C1QTNF3: variants seen among roughly 807,000 people sequenced by gnomAD.
C1QTNF3 encodes C1q and TNF related 3.
C1QTNF3 carries 26 observed loss-of-function variants against 32.6 expected under a neutral mutation model. The ratio of observed to expected loss-of-function variants is 0.80; its 90% CI spans 0.58 to 1.11. C1QTNF3 has a LOEUF of 1.11. Among genes scored for constraint, C1QTNF3 ranks in the 50% least tolerant of loss-of-function variants. The pLI, the probability that C1QTNF3 is intolerant of heterozygous loss-of-function variation, is 0.00. For synonymous variants in C1QTNF3, 155 were observed against 146.0 expected, an observed-to-expected ratio of 1.06 and a Z score of -0.44; for missense variants, 362 against 398.2, an observed-to-expected ratio of 0.91 and a Z score of 0.77.
At chr5:34,140,482 T>C in the C1QTNF3 span, among the ~76,000 whole-genome samples, 1 of 152,220 alleles carries the variant, frequency 6.6e-6, no homozygotes, top group Non-Finnish European at 1.5e-5. Context: ...ACATTAAGAA[T>C]AAAACTTGTT....
At chr5:34,102,955 A>T in the C1QTNF3 span, among the ~76,000 whole-genome samples, 1 of 107,250 alleles carries the variant, frequency 9.3e-6, no homozygotes. Context: ...ACGTGTGCAC[A>T]TGTACCCTAG....
chr5:34,043,132 C>T lies in C1QTNF3; in HGVS notation c.-7G>A. 1.9e-6 allele frequency: 3 copies of T among 1,608,202 alleles called. No homozygotes were observed. The highest frequency in any genetic ancestry group is 1.3e-5 in the African/African-American group (1 of 74,914). ...TGAGCTGCCTCCAAAGCATGATTCT[C>T]AACAGAGCCTCAGAGTCTCCCTGAG... On this transcript the variant is annotated 5_prime_UTR_variant, in exon 1 of 6. Transcript: ENST00000382065.
chr5:34,117,689 A>G, the C1QTNF3 span, among the ~76,000 whole-genome samples: 1 of 151,982 alleles, frequency 6.6e-6, no homozygotes, highest in Non-Finnish European at 1.5e-5. Flanking sequence ...CGAGCTACTC[A>G]GGAGGCTAAG....
the C1QTNF3 span, among the ~76,000 whole-genome samples, chr5:34,222,984 G>A: frequency 6.6e-6 from 1 of 151,764 alleles, no homozygotes; most frequent in Non-Finnish European, 1.5e-5. Flanking sequence ...ATGGTGTAGT[G>A]CTATAATTAA....
chr5:34,046,095 G>T (rs1349165929), upstream of C1QTNF3, among the ~76,000 whole-genome samples: 3 of 152,188 alleles, frequency 2.0e-5, no homozygotes, highest in Non-Finnish European at 4.4e-5. Context: ...CTATATTAAA[G>T]AAAAACACAA....
the C1QTNF3 span, among the ~76,000 whole-genome samples, chr5:34,141,139 A>T: frequency 1.1e-4 from 16 of 150,402 alleles, no homozygotes; most frequent in Middle Eastern, 3.4e-3. Flanking sequence ...TTTTTTTTTT[A>T]AATTGAGTCC....
chr5:34,028,399 G>A (rs1754530963), intron 4 of C1QTNF3, among the ~76,000 whole-genome samples: 2 of 152,264 alleles, frequency 1.3e-5, no homozygotes, highest in Admixed American at 6.5e-5. Context: ...TGAGAATTAT[G>A]TTTTAAGGAC....
the C1QTNF3 span, among the ~76,000 whole-genome samples, chr5:34,160,232 T>G: frequency 6.6e-6 from 1 of 152,134 alleles, no homozygotes; most frequent in Non-Finnish European, 1.5e-5. Flanking sequence ...AGTTAGTAGG[T>G]AGGCGAAGGA....
rs1297272968 is a variant in C1QTNF3, at chr5:34,043,150, T to C, written c.-25A>G. On this transcript the variant is annotated 5_prime_UTR_variant, in exon 1 of 6. Transcript: ENST00000382065. ...TGATTCTCAACAGAGCCTCAGAGTC[T>C]CCCTGAGAAGACAGCAGAGCTCCAG... 1 of 1,596,444 alleles carries C rather than the reference T, an allele frequency of 6.3e-7. No individual in the cohort carries two copies. Among genetic ancestry groups the C allele is most frequent in the Admixed American group, 1.7e-5 (1 of 59,038 alleles).
At chr5:34,132,402 C>CAA in the C1QTNF3 span, among the ~76,000 whole-genome samples, 7 of 75,938 alleles carry the variant, frequency 9.2e-5, no homozygotes, top group South Asian at 4.5e-4. Context: ...ACAACAACAA[C>CAA]AAAAATATAT....
At chr5:34,084,231 A>AGGTGGCG in the C1QTNF3 span, among the ~76,000 whole-genome samples, 1 of 151,822 alleles carries the variant, frequency 6.6e-6, no homozygotes, top group Non-Finnish European at 1.5e-5. Flanking sequence ...TTATTTGTGA[A>AGGTGGCG]GGTGGCTATT....
chr5:34,104,328 T>A, the C1QTNF3 span, among the ~76,000 whole-genome samples: 2 of 6,910 alleles, frequency 2.9e-4, no homozygotes, highest in African/African-American at 6.7e-4. Context: ...CTAAGAGTAC[T>A]GTATCAATTT....
At chr5:34,044,323 C>T (rs1322165819), upstream of C1QTNF3, among the ~76,000 whole-genome samples, 2 of 152,136 alleles carry the variant, frequency 1.3e-5, no homozygotes, top group African/African-American at 2.4e-5. Flanking sequence ...CTCATTCACT[C>T]GCTTAAGAAA....
chr5:34,204,056 AG>A, the C1QTNF3 span, among the ~76,000 whole-genome samples: 1 of 152,232 alleles, frequency 6.6e-6, no homozygotes, highest in Non-Finnish European at 1.5e-5. Context: ...AGGAATAGAC[AG>A]CAATACGGTA....
chr5:34,064,470 C>T, the C1QTNF3 span, among the ~76,000 whole-genome samples: 1 of 152,118 alleles, frequency 6.6e-6, no homozygotes, highest in Non-Finnish European at 1.5e-5. Context: ...CTATTAGAAG[C>T]CATAGGTCAT....
At chr5:34,113,918 G>A in the C1QTNF3 span, among the ~76,000 whole-genome samples, 2 of 152,284 alleles carry the variant, frequency 1.3e-5, no homozygotes, top group South Asian at 2.1e-4. Flanking sequence ...GGCAGTGAAC[G>A]TTCAGCAGCA....
chr5:34,023,514 C>T (rs1457570096), intron 5 of C1QTNF3, among the ~76,000 whole-genome samples: 2 of 152,106 alleles, frequency 1.3e-5, no homozygotes, highest in Non-Finnish European at 2.9e-5. Flanking sequence ...AACTCATGGC[C>T]CTTTTAATTG....
At chr5:34,102,776 A>C in the C1QTNF3 span, among the ~76,000 whole-genome samples, 1 of 151,584 alleles carries the variant, frequency 6.6e-6, no homozygotes, top group Non-Finnish European at 1.5e-5. Flanking sequence ...GTTCTCACTC[A>C]TAGGTGGGAA....
At chr5:34,030,430 T>C (rs1754584241) in intron 3 of C1QTNF3, among the ~76,000 whole-genome samples, 1 of 152,188 alleles carries the variant, frequency 6.6e-6, no homozygotes, top group Non-Finnish European at 1.5e-5. Context: ...CTTAATTCTG[T>C]CACTTGGCAA....
Sources: gnomAD v4.1 joint callset for allele counts (sites outside exome capture counted in the v4.1 genomes callset) on GRCh38, gnomAD v4.1.1 for gene constraint, MANE v1.5 for transcripts, NCBI Gene and HGNC (gene_info 2026-07-23, HGNC 2026-07-21) for gene names.